PTK7: variants seen among roughly 807,000 people sequenced by gnomAD.
PTK7 encodes the protein protein tyrosine kinase 7 (inactive).
Under a neutral mutation model 116.6 loss-of-function variants are expected in PTK7, and 39 were observed. The ratio of observed to expected loss-of-function variants is 0.33; its 90% CI spans 0.26 to 0.44. The LOEUF (loss-of-function observed/expected upper bound fraction) is 0.44. PTK7 is among the 20% of genes least tolerant of loss of function. PTK7 has a pLI of 1.00. For synonymous variants in PTK7, 546 were observed against 563.6 expected (o/e 0.97, Z 0.44); for missense variants, 1,169 against 1,425.6 (o/e 0.82, Z 2.90).
intron 1 of PTK7, among the ~76,000 whole-genome samples, chr6:43,114,538 A>G (rs1212350802): frequency 6.6e-6 from 1 of 151,454 alleles, no homozygotes; most frequent in Non-Finnish European, 1.5e-5. Context: ...CCAGTTCCAG[A>G]CTTGAGTGAA....
chr6:43,140,925 C>A (rs1283649057), intron 10 of PTK7, among the ~76,000 whole-genome samples: 1 of 152,036 alleles, frequency 6.6e-6, no homozygotes, highest in Non-Finnish European at 1.5e-5. Context: ...ATACACTCTT[C>A]ATGAATATTT....
At chr6:43,155,554 G>T (rs1236064911) in intron 17 of PTK7, among the ~76,000 whole-genome samples, 1 of 150,294 alleles carries the variant, frequency 6.7e-6, no homozygotes, top group Non-Finnish European at 1.5e-5. Context: ...TGAGGCAGGA[G>T]AATCGCTTGA....
chr6:43,114,415 T>G (rs933759315), intron 1 of PTK7, among the ~76,000 whole-genome samples: 1 of 152,066 alleles, frequency 6.6e-6, no homozygotes, highest in African/African-American at 2.4e-5. Flanking sequence ...TTCTGTTCCC[T>G]TATCTTATCT....
intron 7 of PTK7, chr6:43,132,982 T>A (rs917785313): frequency 1.9e-6 from 1 of 535,606 alleles, no homozygotes. Flanking sequence ...ATGCTCCCAA[T>A]GCACAGAGTG....
intron 1 of PTK7, among the ~76,000 whole-genome samples, chr6:43,108,391 G>A (rs376149867): frequency 5.5e-5 from 8 of 145,766 alleles, no homozygotes; most frequent in Admixed American, 1.4e-4. Context: ...CACCGCGCCC[G>A]GCCAACCTTT....
intron 1 of PTK7, among the ~76,000 whole-genome samples, chr6:43,124,912 C>T (rs61616727): frequency 0.11 from 16,661 of 152,134 alleles, 1,469 homozygotes; most frequent in East Asian, 0.32. Context: ...GTGGCTCACG[C>T]CTGTAATCCC....
At chr6:43,157,970 C>A (rs1771614316) in intron 17 of PTK7, among the ~76,000 whole-genome samples, 1 of 152,076 alleles carries the variant, frequency 6.6e-6, no homozygotes, top group South Asian at 2.1e-4. Context: ...AGGTGATCCA[C>A]CTGCCTTGGT....
chr6:43,133,307 G>T (rs1038407224), intron 7 of PTK7: 1 of 153,124 alleles, frequency 6.5e-6, no homozygotes, highest in South Asian at 2.1e-4. Flanking sequence ...GGGCGCGGTG[G>T]CTCATGCCTG....
Position 43,128,838 on chromosome 6 carries a change from C to T in PTK7, c.80-139C>T, listed in dbSNP as rs184263242. 2,462 of 759,468 alleles carry T rather than the reference C, an allele frequency of 3.2e-3. 11 individuals are homozygous for T. The highest frequency in any genetic ancestry group is 4.4e-3 in the Non-Finnish European group (2,167 of 495,356). The allele number at this position is 759,468 out of a possible 1,614,324, so 47.0% of individuals were successfully genotyped here. A position where few individuals can be genotyped will look rare whatever the true frequency, so the allele number is the denominator to read the frequency against. On this transcript the variant is annotated intron_variant, in intron 1 of 19. Coordinates refer to ENST00000230419, the MANE Select transcript of PTK7 (RefSeq NM_002821.5). ...TTTCAGGGGACTCTTGCAATTGTGGCATCATGATCCTTCACACCTGCACTT... is the reference window on the plus strand; with the variant it reads ...TTTCAGGGGACTCTTGCAATTGTGGTATCATGATCCTTCACACCTGCACTT...
chr6:43,139,147 C>A lies in PTK7; in HGVS notation c.1374C>A (p.Phe458Leu). The A allele has an allele frequency of 6.2e-7, 1 of 1,614,162 alleles. No homozygotes were observed. Among genetic ancestry groups the A allele is most frequent in the South Asian group, 1.1e-5 (1 of 91,072 alleles). ...NQMLISEDSRFEVFKNGTLRI... is the reference protein window; with the variant it reads ...NQMLISEDSRLEVFKNGTLRI... ...CACCTGTGCTGCAGGACTCACGGTT[C>A]GAGGTCTTCAAGAATGGGACCTTGC... Residue 458 changes from phenylalanine (F) to leucine (L), a missense_variant, in exon 9 of 20, where the codon TTC (phenylalanine) becomes TTA (leucine). Phe to Leu is a conservative substitution (Grantham distance 22, BLOSUM62 0). This residue lies in a region of PTK7 where 678 missense variants were observed against 853.8 expected (regional missense o/e 0.79). Transcript: ENST00000230419. The surrounding 1 kb of genome is among the most constrained non-coding windows in gnomAD (Gnocchi z 4.6).
In PTK7 at chr6:43,129,784, C is replaced by A; in HGVS notation, c.425C>A (p.Pro142Gln). ...KHPASEAEIQ[P>Q]QTQVTLRCHI... ...CCAGCCTCGGAAGCTGAGATCCAGCCACAGACCCAGGTCACACTTCGTTGC... is the reference window on the plus strand; with the variant it reads ...CCAGCCTCGGAAGCTGAGATCCAGCAACAGACCCAGGTCACACTTCGTTGC... The change falls in exon 3 of 20, where the codon CCA becomes CAA. Residue 142 changes from proline (P) to glutamine (Q), a missense_variant. Physicochemically the swap from Pro to Gln is moderately conservative, Grantham distance 76 (BLOSUM62 -1). Around this residue, in one of 3 missense-constraint regions of PTK7, gnomAD observed 487 missense variants for 549.8 expected, o/e 0.89. Coordinates refer to ENST00000230419, the MANE Select transcript of PTK7 (RefSeq NM_002821.5). This position sits in a 1 kb window ranked among gnomAD's most constrained non-coding sequence, Gnocchi z 4.5. 1 of 1,614,234 alleles carries A rather than the reference C, an allele frequency of 6.2e-7. No homozygotes were observed. Among genetic ancestry groups the A allele is most frequent in the Non-Finnish European group, 8.5e-7 (1 of 1,180,042 alleles).
rs370060945 is a variant in PTK7 at position 43,131,404 on chromosome 6, TG to T, written c.813-611del. On this transcript the variant is annotated intron_variant, in intron 5 of 19. Coordinates refer to ENST00000230419, the MANE Select transcript of PTK7 (RefSeq NM_002821.5). Reference sequence around the variant, plus strand: ...GTGTATTAGTCCATTTTAATGCTGCTGATAAAGACATACCCGAGACTGAGCA... The same window carrying T: ...GTGTATTAGTCCATTTTAATGCTGCTATAAAGACATACCCGAGACTGAGCA... 1.9e-4 allele frequency among the ~76,000 whole-genome samples: 29 copies of T among 152,314 alleles called. No individual in the cohort carries two copies. In the South Asian group the frequency reaches 3.5e-3, roughly 19 times the overall value.
chr6:43,105,637 T>G (rs1055858852), intron 1 of PTK7, among the ~76,000 whole-genome samples: 1 of 152,126 alleles, frequency 6.6e-6, no homozygotes, highest in Non-Finnish European at 1.5e-5. Flanking sequence ...GAATCCTGTA[T>G]GACTGGTGGC....
At chr6:43,134,509 C>T (rs963801404) in intron 7 of PTK7, among the ~76,000 whole-genome samples, 1 of 151,878 alleles carries the variant, frequency 6.6e-6, no homozygotes, top group African/African-American at 2.4e-5. Context: ...TAGCTGGGCG[C>T]GGTGGCTCAC....
chr6:43,116,602 G>GTT (rs148172781), intron 1 of PTK7, among the ~76,000 whole-genome samples: 3 of 124,618 alleles, frequency 2.4e-5, no homozygotes, highest in East Asian at 2.1e-4. Context: ...GGAAAAGCTG[G>GTT]TTTGTGTGTG....
At chr6:43,150,560 C>T (rs529224383) in intron 17 of PTK7, among the ~76,000 whole-genome samples, 10 of 152,220 alleles carry the variant, frequency 6.6e-5, no homozygotes, top group African/African-American at 2.2e-4. Context: ...TCAGAGAGAG[C>T]AGGCCAAGGG....
intron 1 of PTK7, among the ~76,000 whole-genome samples, chr6:43,091,151 C>T (rs1766930945): frequency 6.7e-6 from 1 of 149,332 alleles, no homozygotes. Context: ...GCTTCGGTTT[C>T]CTCTTTTTTT....
intron 17 of PTK7, among the ~76,000 whole-genome samples, chr6:43,153,598 A>G (rs1263137200): frequency 6.6e-6 from 1 of 152,124 alleles, no homozygotes; most frequent in Non-Finnish European, 1.5e-5. Flanking sequence ...TCTTTAGAGA[A>G]TGGGGTCTCA....
chr6:43,144,879 G>A (rs533694612), intron 15 of PTK7: 8 of 416,090 alleles, frequency 1.9e-5, no homozygotes, highest in South Asian at 1.7e-4. Flanking sequence ...AGTTACCATT[G>A]TTCTAGGAAA....
Sources: gnomAD v4.1 joint callset for allele counts (sites outside exome capture counted in the v4.1 genomes callset) on GRCh38, gnomAD v4.1.1 for gene constraint, gnomAD v4.1.1 regional missense constraint, Gnocchi (gnomAD v3.1) non-coding constraint, MANE v1.5 for transcripts, NCBI Gene and HGNC (gene_info 2026-07-23, HGNC 2026-07-21) for gene names.